The following SNAP91 variants were observed in gnomAD, a reference collection of about 807,000 sequenced individuals.
SNAP91 encodes the protein clathrin coat assembly protein AP180.
SNAP91 carries 27 observed loss-of-function variants against 100.3 expected under a neutral mutation model. The ratio of observed to expected loss-of-function variants is 0.27; its 90% CI spans 0.20 to 0.37. SNAP91 has a LOEUF of 0.37. SNAP91 is among the 10% of genes least tolerant of loss of function. The pLI, the probability that SNAP91 is intolerant of heterozygous loss-of-function variation, is 1.00. For missense variants in SNAP91, 986 were observed against 1,123.7 expected, an observed-to-expected ratio of 0.88 and a Z score of 1.75; for synonymous variants, 404 against 398.6, an observed-to-expected ratio of 1.01 and a Z score of -0.16.
At chr6:83,697,405 C>T (rs2099232640) in intron 2 of SNAP91, among the ~76,000 whole-genome samples, 1 of 150,360 alleles carries the variant, frequency 6.7e-6, no homozygotes, top group Non-Finnish European at 1.5e-5. Flanking sequence ...AATACTTAAC[C>T]ATCTAATATC....
intron 3 of SNAP91, among the ~76,000 whole-genome samples, chr6:83,663,178 T>C (rs947803252): frequency 3.9e-5 from 6 of 152,122 alleles, no homozygotes; most frequent in African/African-American, 1.2e-4. Context: ...CTCCCTTTCC[T>C]CAGGCCTCCT....
chr6:83,607,117 T>G (rs2128285572), intron 13 of SNAP91, among the ~76,000 whole-genome samples: 1 of 152,194 alleles, frequency 6.6e-6, no homozygotes, highest in Admixed American at 6.5e-5. Flanking sequence ...TGACCTAAAT[T>G]TATTATTTGA....
chr6:83,611,457 G>C, intron 11 of SNAP91: 1 of 455,848 alleles, frequency 2.2e-6, no homozygotes, highest in Middle Eastern at 3.3e-4. Context: ...ACTTCAGTTA[G>C]TGAAAAATGA....
At chr6:83,691,305 C>T (rs977174332) in intron 2 of SNAP91, among the ~76,000 whole-genome samples, 1 of 152,084 alleles carries the variant, frequency 6.6e-6, no homozygotes, top group African/African-American at 2.4e-5. Context: ...TATCCACTAA[C>T]AGTTCTTCAA....
chr6:83,619,620 C>T (rs9444093), intron 9 of SNAP91, among the ~76,000 whole-genome samples: 1 of 152,138 alleles, frequency 6.6e-6, no homozygotes, highest in Non-Finnish European at 1.5e-5. Context: ...ATATGGTTAC[C>T]GATTCATCAG....
chr6:83,631,835 A>G (rs760891455), intron 8 of SNAP91, among the ~76,000 whole-genome samples: 4 of 152,052 alleles, frequency 2.6e-5, no homozygotes, highest in Non-Finnish European at 5.9e-5. Flanking sequence ...ATTTACATTC[A>G]ATGTTAGTAT....
intron 22 of SNAP91, among the ~76,000 whole-genome samples, chr6:83,585,416 C>T (rs986793000): frequency 2.6e-5 from 4 of 151,914 alleles, no homozygotes; most frequent in African/African-American, 7.3e-5. Flanking sequence ...GCAGTCCCAG[C>T]TGCTCAGGAG....
At chr6:83,597,970 C>T (rs1437914895) in intron 16 of SNAP91, among the ~76,000 whole-genome samples, 1 of 152,148 alleles carries the variant, frequency 6.6e-6, no homozygotes, top group Non-Finnish European at 1.5e-5. Context: ...TTTGGTTTTC[C>T]AGTCACTTTG....
chr6:83,617,041 T>A lies in SNAP91; in HGVS notation c.808-2A>T. The A allele has an allele frequency of 6.5e-7, 1 of 1,532,950 alleles. No homozygotes were observed. Among genetic ancestry groups the A allele is most frequent in the Non-Finnish European group, 8.8e-7 (1 of 1,136,804 alleles). 95.0% of individuals were successfully genotyped at this position (1,532,950 alleles called of 1,614,324 possible). ...CGTCTCCATAAGACTGCTGGGAGCC[T>A]ACAATAAGAAAGTAAAAATAAATGT... is the stretch of plus-strand genomic sequence containing the variant. On this transcript the variant is annotated splice_acceptor_variant, in intron 9 of 29. Transcript: ENST00000369694. LOFTEE classifies it high-confidence loss of function.
intron 2 of SNAP91, among the ~76,000 whole-genome samples, chr6:83,680,183 T>C (rs1353845319): frequency 6.6e-6 from 1 of 151,528 alleles, no homozygotes; most frequent in Non-Finnish European, 1.5e-5. Context: ...TCATATTACT[T>C]CCCCCCCATT....
Position 83,593,526 on chromosome 6 carries a change from A to C in SNAP91, c.1648T>G (p.Ser550Ala). 6.4e-7 allele frequency: 1 copy of C among 1,552,650 alleles called. No homozygotes were observed. Among genetic ancestry groups the C allele is most frequent in the Non-Finnish European group, 8.7e-7 (1 of 1,147,586 alleles). The change falls in exon 18 of 30, where the codon TCC (serine) becomes GCC (alanine). Residue 550 changes from serine to alanine, a missense_variant. Ser to Ala is a moderately conservative substitution (Grantham distance 99). This residue lies in a region of SNAP91 where 575 missense variants were observed against 579.9 expected (regional missense o/e 0.99). Coordinates refer to ENST00000369694, the MANE Select transcript of SNAP91 (RefSeq NM_001242792.2). Reference protein sequence around the residue: ...TAAATTTTTTSAATATTAPPA... With the variant: ...TAAATTTTTTAAATATTAPPA... ...GGAGCAGTGGTGGCGGTGGCAGCGG[A>C]GGTGGTGGTAGTGGTGGTGGCAGCG...
intron 2 of SNAP91, among the ~76,000 whole-genome samples, chr6:83,671,146 A>G (rs1252865985): frequency 1.3e-5 from 2 of 151,764 alleles, no homozygotes; most frequent in Non-Finnish European, 3.0e-5. Context: ...ATCCATGTAC[A>G]TGGTCTGTCT....
chr6:83,616,477 G>C (rs951642280), intron 10 of SNAP91, among the ~76,000 whole-genome samples: 1 of 152,062 alleles, frequency 6.6e-6, no homozygotes, highest in African/African-American at 2.4e-5. Context: ...TATATAAAAG[G>C]ATCTATGAAT....
intron 2 of SNAP91, among the ~76,000 whole-genome samples, chr6:83,683,526 C>T (rs982100071): frequency 1.3e-5 from 2 of 152,162 alleles, no homozygotes; most frequent in South Asian, 2.1e-4. Flanking sequence ...GACATGCCTG[C>T]TCCCCCTTTG....
At chr6:83,603,333 G>T (rs1431935363) in intron 14 of SNAP91, among the ~76,000 whole-genome samples, 1 of 152,054 alleles carries the variant, frequency 6.6e-6, no homozygotes, top group African/African-American at 2.4e-5. Flanking sequence ...CTGATGTTTA[G>T]CCATGTGAAC....
chr6:83,605,089 T>C (rs2095525550), intron 14 of SNAP91, among the ~76,000 whole-genome samples: 1 of 152,152 alleles, frequency 6.6e-6, no homozygotes, highest in Admixed American at 6.5e-5. Context: ...TATAAAAGGC[T>C]GATTTTTTTC....
intron 8 of SNAP91, among the ~76,000 whole-genome samples, chr6:83,627,822 T>A (rs2097012603): frequency 6.6e-6 from 1 of 151,962 alleles, no homozygotes; most frequent in African/African-American, 2.4e-5. Context: ...ATTCTTTGTA[T>A]GTTTTGGGGG....
intron 22 of SNAP91, among the ~76,000 whole-genome samples, chr6:83,588,512 T>A (rs2093196707): frequency 6.6e-6 from 1 of 152,232 alleles, no homozygotes; most frequent in South Asian, 2.1e-4. Flanking sequence ...TAAAGTGAAC[T>A]AACATACTTT....
chr6:83,595,703 C>T (rs2128217930), intron 16 of SNAP91, among the ~76,000 whole-genome samples: 1 of 152,228 alleles, frequency 6.6e-6, no homozygotes, highest in Middle Eastern at 3.4e-3. Context: ...GAACACTGTT[C>T]CTTCAGTCAT....
Sources: allele counts gnomAD v4.1 joint callset (sites outside exome capture counted in the v4.1 genomes callset), GRCh38; gene constraint gnomAD v4.1.1; regional missense constraint gnomAD v4.1.1; transcripts MANE v1.5; gene names NCBI Gene and HGNC (gene_info 2026-07-23, HGNC 2026-07-21).